Variants in TRIM63 observed in about 807,000 individuals in gnomAD.
The protein encoded by TRIM63 is E3 ubiquitin-protein ligase TRIM63.
In TRIM63, 48 loss-of-function variants were observed where a neutral mutation model predicts 46.0. The observed-to-expected ratio is 1.04, with a 90% CI of 0.83 to 1.33. TRIM63 has a LOEUF of 1.33. TRIM63 is among the 40% of genes most tolerant of loss of function. The probability of loss-of-function intolerance (pLI) is 0.00; values close to 1 mark genes in which losing one functional copy is unlikely to be tolerated. For synonymous variants in TRIM63, 175 were observed against 162.8 expected (o/e 1.08, Z -0.57); for missense variants, 455 against 441.2 (o/e 1.03, Z -0.28).
At chr1:26,062,681 T>C (rs981340777) in intron 2 of TRIM63, among the ~76,000 whole-genome samples, 1 of 152,232 alleles carries the variant, frequency 6.6e-6, no homozygotes, top group African/African-American at 2.4e-5. Context: ...ACTACCTTTC[T>C]TCCTTGAGAC....
intron 8 of TRIM63, among the ~76,000 whole-genome samples, chr1:26,052,709 C>T (rs574548368): frequency 6.6e-6 from 1 of 151,972 alleles, no homozygotes; most frequent in Non-Finnish European, 1.5e-5. Flanking sequence ...TCAGGTGATC[C>T]GCCTGCCTCG....
chr1:26,057,106 T>C, intron 7 of TRIM63, 97 bp downstream of exon 7: 1 of 1,462,930 alleles, frequency 6.8e-7, no homozygotes, highest in South Asian at 1.3e-5. Flanking sequence ...GGGATCTTTA[T>C]TAGTGTATCT....
chr1:26,056,084 C>T (rs1446667108), intron 7 of TRIM63, among the ~76,000 whole-genome samples: 2 of 152,192 alleles, frequency 1.3e-5, no homozygotes, highest in African/African-American at 4.8e-5. Flanking sequence ...TGTCCCCCAA[C>T]CTCAGCTGGT....
rs1197016895 is a variant in TRIM63, at chr1:26,067,450, C to A, written c.45G>T (p.Glu15Asp). 6.2e-7 allele frequency: 1 copy of A among 1,614,198 alleles called. No individual in the cohort carries two copies. Among genetic ancestry groups the A allele is most frequent in the African/African-American group, 1.3e-5 (1 of 75,056 alleles). ...SSLIQDGNPM[E>D]NLEKQLICPI... ...GGCAGATCAGCTGCTTCTCCAAGTT[C>A]TCCATGGGATTCCCATCCTGGATCA... Residue 15 changes from glutamate to aspartate, a missense_variant, in exon 1 of 9, where the codon GAG (glutamate) becomes GAT (aspartate). Glu to Asp is a conservative substitution (Grantham distance 45). Transcript: ENST00000374272.
Position 26,059,127 on chromosome 1 carries a change from C to G in TRIM63, c.598-504G>C, listed in dbSNP as rs554460727. 2.5e-4 allele frequency among the ~76,000 whole-genome samples: 38 copies of G among 149,438 alleles called. 1 individual carries two copies. Among genetic ancestry groups the G allele is most frequent in the African/African-American group, 8.7e-4 (35 of 40,458 alleles). On this transcript the variant is annotated intron_variant, in intron 4 of 8. Coordinates refer to ENST00000374272, the MANE Select transcript of TRIM63 (RefSeq NM_032588.4). ...GCAACCTCCACCTCCCAGGTTCAAG[C>G]GATTCTCCTGCCTCAGCCTCCCGAG...
intron 7 of TRIM63, among the ~76,000 whole-genome samples, chr1:26,054,671 CAA>C (rs1224699925): frequency 6.6e-6 from 1 of 152,106 alleles, no homozygotes; most frequent in African/African-American, 2.4e-5. Flanking sequence ...GAACATTTGT[CAA>C]GAGTATCTTC....
At chr1:26,064,862 C>T (rs12093617) in intron 2 of TRIM63, among the ~76,000 whole-genome samples, 4,567 of 152,260 alleles carry the variant, frequency 0.03, 233 homozygotes, top group African/African-American at 0.1. Context: ...TCACCTTCCC[C>T]TGGGCTGGGC....
intron 7 of TRIM63, among the ~76,000 whole-genome samples, 183 bp downstream of exon 7, chr1:26,057,020 C>T (rs2050578522): frequency 6.6e-6 from 1 of 152,314 alleles, no homozygotes; most frequent in South Asian, 2.1e-4. Flanking sequence ...ACCTTGGCCT[C>T]CCAAAGTGCT....
chr1:26,059,516 G>A (rs1298434231), intron 4 of TRIM63, among the ~76,000 whole-genome samples: 2 of 152,072 alleles, frequency 1.3e-5, no homozygotes, highest in Admixed American at 6.6e-5. Flanking sequence ...CTCCTCAACC[G>A]AAGCTCCCTT....
chr1:26,058,940 C>A (rs142298606), intron 4 of TRIM63, among the ~76,000 whole-genome samples: 48 of 152,164 alleles, frequency 3.2e-4, no homozygotes, highest in African/African-American at 1.1e-3. Flanking sequence ...GTCCCCCAAC[C>A]TCAGCTGGTC....
At chr1:26,065,636 A>G (rs1294710493) in intron 2 of TRIM63, among the ~76,000 whole-genome samples, 1 of 152,114 alleles carries the variant, frequency 6.6e-6, no homozygotes, top group Non-Finnish European at 1.5e-5. Context: ...CCAACCCTTC[A>G]CAACCTCCAC....
chr1:26,057,267 C>T lies in TRIM63; in HGVS notation c.915G>A (p.Met305Ile). The change falls in exon 7 of 9, where the codon ATG becomes ATA. Residue 305 changes from methionine to isoleucine, a missense_variant. Met to Ile is a conservative substitution (Grantham distance 10, BLOSUM62 1). Coordinates refer to ENST00000374272, the MANE Select transcript of TRIM63 (RefSeq NM_032588.4). ...GCTCTAAATCCAAAGTAAAGAAGTC[C>T]ATGTTCTCAAAGCCCTGCTCTGTCT... ...LGKTEQGFEN[M>I]DFFTLDLEHI... 6.2e-7 allele frequency: 1 copy of T among 1,614,188 alleles called. No individual in the cohort carries two copies.
At chr1:26,059,446 G>C (rs114870980) in intron 4 of TRIM63, among the ~76,000 whole-genome samples, 3 of 152,034 alleles carry the variant, frequency 2.0e-5, no homozygotes, top group Non-Finnish European at 2.9e-5. Context: ...GACTGGATTC[G>C]GGAAGCTCTG....
At position 26,058,407 on chromosome 1, in the gene TRIM63, C is replaced by A; in HGVS notation, c.814G>T (p.Gly272Ter). The A allele has an allele frequency of 6.2e-7, 1 of 1,614,054 alleles. No individual in the cohort carries two copies. The highest frequency in any genetic ancestry group is 8.5e-7 in the Non-Finnish European group (1 of 1,180,004). ...TAIQSLDEPG[G>*]ATFLLTAKQL... ...CTGCTCACCAAGAGGAAGGTGGCTCCCCCAGGCTCGTCCAGGGACTGGATG... is the reference window on the plus strand; with the variant it reads ...CTGCTCACCAAGAGGAAGGTGGCTCACCCAGGCTCGTCCAGGGACTGGATG... Residue 272 changes from glycine (G) to a stop codon, truncating the protein, a stop_gained, in exon 5 of 9, where the codon GGA (glycine) becomes TGA (stop). Transcript: ENST00000374272. LOFTEE classifies it high-confidence loss of function.
intron 2 of TRIM63, 91 bp from the exon 3 acceptor site, chr1:26,061,425 G>T: frequency 2.2e-6 from 3 of 1,390,456 alleles, no homozygotes; most frequent in Non-Finnish European, 2.0e-6. Flanking sequence ...CTACTGGGGA[G>T]GCTGAGGCAG....
chr1:26,059,470 T>C (rs904824076), intron 4 of TRIM63, among the ~76,000 whole-genome samples: 1 of 152,178 alleles, frequency 6.6e-6, no homozygotes, highest in Non-Finnish European at 1.5e-5. Flanking sequence ...CATTTGGTCC[T>C]AGGAGAGGTG....
intron 4 of TRIM63, among the ~76,000 whole-genome samples, chr1:26,059,729 C>T (rs2050605827): frequency 6.6e-6 from 1 of 152,110 alleles, no homozygotes; most frequent in African/African-American, 2.4e-5. Context: ...AAGCTTTTTT[C>T]AGGGATAGAA....
chr1:26,057,757 C>A (rs1470861607), intron 5 of TRIM63, 107 bp from the exon 6 acceptor site: 6 of 1,239,722 alleles, frequency 4.8e-6, no homozygotes, highest in Non-Finnish European at 6.7e-6. Flanking sequence ...GGTGCCATTC[C>A]CTAGCCCAGT....
intron 2 of TRIM63, among the ~76,000 whole-genome samples, chr1:26,063,408 C>A (rs2050645637): frequency 6.6e-6 from 1 of 152,230 alleles, no homozygotes; most frequent in Non-Finnish European, 1.5e-5. Context: ...TGATCACACC[C>A]TGGGCTCTAT....
Sources: allele counts gnomAD v4.1 joint callset (sites outside exome capture counted in the v4.1 genomes callset), GRCh38; gene constraint gnomAD v4.1.1; transcripts MANE v1.5; gene names NCBI Gene and HGNC (gene_info 2026-07-23, HGNC 2026-07-21).